PHF21A: variants seen among roughly 807,000 people sequenced by gnomAD.
PHF21A encodes BHC80a.
In PHF21A, 11 loss-of-function variants were observed where a neutral mutation model predicts 82.5. That is an observed-to-expected ratio of 0.13 (90% CI 0.08 to 0.22). PHF21A has a LOEUF of 0.22. Ranked by LOEUF, PHF21A falls within the 10% of genes least tolerant of loss-of-function variation. PHF21A has a pLI of 1.00. For synonymous variants in PHF21A, 297 were observed against 302.8 expected (o/e 0.98, Z 0.20); for missense variants, 579 against 837.8 (o/e 0.69, Z 3.81).
chr11:45,993,470 T>C (rs979588906), intron 6 of PHF21A, among the ~76,000 whole-genome samples: 4 of 152,042 alleles, frequency 2.6e-5, no homozygotes, highest in Non-Finnish European at 4.4e-5. Flanking sequence ...AGTTCTGTGA[T>C]AGTAAAACTG....
chr11:46,040,858 C>G (rs891282284), intron 6 of PHF21A, among the ~76,000 whole-genome samples: 2 of 149,472 alleles, frequency 1.3e-5, no homozygotes, highest in Non-Finnish European at 3.0e-5. Flanking sequence ...AAATATAAAT[C>G]TATTTCACCC....
intron 1 of PHF21A, among the ~76,000 whole-genome samples, chr11:46,098,315 G>A (rs1050654048): frequency 1.3e-5 from 2 of 152,154 alleles, no homozygotes; most frequent in African/African-American, 4.8e-5. Flanking sequence ...CTAAAACAGT[G>A]CATATTAACT....
intron 6 of PHF21A, among the ~76,000 whole-genome samples, chr11:46,075,429 A>G (rs1218974291): frequency 6.6e-6 from 1 of 152,214 alleles, no homozygotes; most frequent in Non-Finnish European, 1.5e-5. Context: ...CCCTGAAACT[A>G]TAAGGAGGCT....
At position 45,934,224 on chromosome 11, in the gene PHF21A, T is replaced by C; in HGVS notation, c.1790A>G (p.Lys597Arg). The C allele has an allele frequency of 6.2e-7, 1 of 1,611,790 alleles. No individual in the cohort carries two copies. The highest frequency in any genetic ancestry group is 8.5e-7 in the Non-Finnish European group (1 of 1,179,696). Residue 597 changes from lysine (K) to arginine (R), a missense_variant and splice_region_variant, in exon 19 of 19, where the codon AAA becomes AGA. By Grantham distance (26) the Lys-to-Arg change is conservative (BLOSUM62 2). Coordinates refer to ENST00000676320, the MANE Select transcript of PHF21A (RefSeq NM_001352027.3). ...KVKQLSNSIS[K>R]CMEMKNTILA... Reference sequence around the variant, plus strand: ...GATGGTGTTCTTCATTTCCATGCATTTCTGCAGCAAATGACAAGGGCAGTG... The same window carrying C: ...GATGGTGTTCTTCATTTCCATGCATCTCTGCAGCAAATGACAAGGGCAGTG...
intron 6 of PHF21A, among the ~76,000 whole-genome samples, chr11:46,067,175 T>C (rs1174154317): frequency 2.0e-5 from 3 of 152,184 alleles, no homozygotes; most frequent in Admixed American, 6.5e-5. Flanking sequence ...CTGTACTATG[T>C]TGTCCTGTAA....
At chr11:45,954,849 C>T (rs1031231526) in intron 10 of PHF21A, among the ~76,000 whole-genome samples, 9 of 152,172 alleles carry the variant, frequency 5.9e-5, no homozygotes, top group African/African-American at 1.9e-4. Context: ...GCAGGGGCTA[C>T]ATGAGACTTT....
At chr11:46,110,326 C>T (rs1274818711) in intron 1 of PHF21A, among the ~76,000 whole-genome samples, 1 of 152,142 alleles carries the variant, frequency 6.6e-6, no homozygotes, top group Non-Finnish European at 1.5e-5. Context: ...AAGACCAAGT[C>T]TTCTGACATC....
chr11:46,003,489 T>C (rs1324609207), intron 6 of PHF21A, among the ~76,000 whole-genome samples: 2 of 151,990 alleles, frequency 1.3e-5, no homozygotes, highest in African/African-American at 4.8e-5. Context: ...AACAAGAAAT[T>C]GATAGCTTAA....
intron 1 of PHF21A, among the ~76,000 whole-genome samples, chr11:46,096,391 C>T (rs2096996575): frequency 6.6e-6 from 1 of 150,518 alleles, no homozygotes. Flanking sequence ...CATACTCCCT[C>T]TAATTCCTCT....
At chr11:45,966,554 A>C (rs2093445736) in intron 9 of PHF21A, among the ~76,000 whole-genome samples, 1 of 152,194 alleles carries the variant, frequency 6.6e-6, no homozygotes, top group South Asian at 2.1e-4. Context: ...TCTACCACTC[A>C]CTAGCTGTGT....
intron 6 of PHF21A, among the ~76,000 whole-genome samples, chr11:46,034,833 G>T (rs1318832890): frequency 6.6e-6 from 1 of 152,162 alleles, no homozygotes; most frequent in Non-Finnish European, 1.5e-5. Context: ...CCTACAAGGG[G>T]ATAGTGGGCA....
At chr11:45,963,807 C>T (rs1413997498) in intron 10 of PHF21A, among the ~76,000 whole-genome samples, 1 of 152,148 alleles carries the variant, frequency 6.6e-6, no homozygotes, top group East Asian at 1.9e-4. Flanking sequence ...AGGTCCCCAC[C>T]CAAACTCCTA....
intron 6 of PHF21A, among the ~76,000 whole-genome samples, chr11:46,025,157 A>C (rs771498407): frequency 3.3e-5 from 5 of 152,098 alleles, no homozygotes; most frequent in Non-Finnish European, 7.4e-5. Flanking sequence ...TTGAAAGAAA[A>C]TAATTTTCTC....
chr11:45,942,268 G>A (rs1324307615), intron 15 of PHF21A, among the ~76,000 whole-genome samples: 1 of 152,212 alleles, frequency 6.6e-6, no homozygotes, highest in Non-Finnish European at 1.5e-5. Context: ...GTGAGTTGAT[G>A]AGTGGATCCT....
At chr11:46,063,867 T>C (rs1048560173) in intron 6 of PHF21A, among the ~76,000 whole-genome samples, 3 of 152,130 alleles carry the variant, frequency 2.0e-5, no homozygotes, top group Non-Finnish European at 4.4e-5. Context: ...AAATCAGTTT[T>C]TATGACAGAT....
rs745469384 is a variant in PHF21A, at chr11:45,948,910, T to C, written c.1264A>G (p.Met422Val). Residue 422 changes from methionine to valine, a missense_variant, in exon 14 of 19, where the codon ATG becomes GTG. Met to Val is a conservative substitution (Grantham distance 21). Transcript: ENST00000676320. Reference protein sequence around the residue: ...KSAVTYLNSTMHPGTRKRGRP... With the variant: ...KSAVTYLNSTVHPGTRKRGRP... ...CCTCTCTTCCGGGTCCCAGGGTGCA[T>C]TGTGCTGTTTAGGTATGTCACTGCA... 31 of 1,613,932 alleles carry C rather than the reference T, an allele frequency of 1.9e-5. No homozygotes were observed. Among genetic ancestry groups the C allele is most frequent in the East Asian group, 6.7e-5 (3 of 44,900 alleles).
At chr11:46,067,528 G>A (rs2096608184) in intron 6 of PHF21A, among the ~76,000 whole-genome samples, 1 of 150,408 alleles carries the variant, frequency 6.6e-6, no homozygotes, top group South Asian at 2.1e-4. Flanking sequence ...TTGGAATAGA[G>A]TTAATAATGG....
chr11:46,079,545 G>C (rs531011670), intron 4 of PHF21A, among the ~76,000 whole-genome samples: 2 of 152,100 alleles, frequency 1.3e-5, no homozygotes, highest in African/African-American at 4.8e-5. Context: ...ACACAAAACC[G>C]GCCTGTTCAT....
chr11:46,105,260 G>C (rs11038767), intron 1 of PHF21A, among the ~76,000 whole-genome samples: 23,373 of 151,982 alleles, frequency 0.15, 3,735 homozygotes, highest in East Asian at 0.58. Context: ...CCCTTCACTC[G>C]AATTACATGA....
Sources: allele counts gnomAD v4.1 joint callset (sites outside exome capture counted in the v4.1 genomes callset), GRCh38; gene constraint gnomAD v4.1.1; transcripts MANE v1.5; gene names NCBI Gene and HGNC (gene_info 2026-07-23, HGNC 2026-07-21).